The following DGKB variants were observed in gnomAD, a reference collection of about 807,000 sequenced individuals.
DGKB encodes the protein diacylglycerol kinase beta.
Under a neutral mutation model 114.3 loss-of-function variants are expected in DGKB, and 67 were observed. That is an observed-to-expected ratio of 0.59 (90% CI 0.48 to 0.72). DGKB has a LOEUF of 0.72. DGKB is among the 30% of genes least tolerant of loss of function. The pLI, the probability that DGKB is intolerant of heterozygous loss-of-function variation, is 0.00. For missense variants in DGKB, 907 were observed against 975.2 expected (o/e 0.93, Z 0.93); for synonymous variants, 398 against 323.1 (o/e 1.23, Z -2.49).
At chr7:14,228,537 C>T (rs543300510) in intron 23 of DGKB, among the ~76,000 whole-genome samples, 101 of 152,028 alleles carry the variant, frequency 6.6e-4, no homozygotes, top group African/African-American at 6.0e-4. Context: ...CACACACACT[C>T]GCACCCGCAC....
intron 19 of DGKB, 56 bp downstream of exon 19, chr7:14,580,806 G>T: frequency 8.3e-7 from 1 of 1,201,540 alleles, no homozygotes; most frequent in Non-Finnish European, 1.2e-6. Context: ...TTTTTGTTTT[G>T]CAAGGGAAAG....
chr7:14,415,020 C>CT (rs35820031), intron 21 of DGKB, among the ~76,000 whole-genome samples: 49,121 of 151,604 alleles, frequency 0.32, 8,604 homozygotes, highest in East Asian at 0.47. Flanking sequence ...AAAAACCCTC[C>CT]TATAGAGTCT....
chr7:14,796,104 G>A (rs566315031), intron 2 of DGKB, among the ~76,000 whole-genome samples: 1 of 152,210 alleles, frequency 6.6e-6, no homozygotes, highest in South Asian at 2.1e-4. Flanking sequence ...TGGAAGAATG[G>A]TGAAATCACT....
intron 21 of DGKB, among the ~76,000 whole-genome samples, chr7:14,467,234 TA>T (rs1441025913): frequency 7.4e-5 from 11 of 149,466 alleles, no homozygotes; most frequent in Non-Finnish European, 1.5e-4. Context: ...CTTATTTATA[TA>T]ACTATTAACT....
chr7:14,290,449 TG>T (rs971525373), intron 23 of DGKB, among the ~76,000 whole-genome samples: 51 of 152,170 alleles, frequency 3.4e-4, no homozygotes, highest in Middle Eastern at 3.4e-3. Flanking sequence ...AACCCCAATG[TG>T]TTTGTGGTTT....
At chr7:14,915,047 A>C (rs1478762936) in intron 1 of DGKB, among the ~76,000 whole-genome samples, 1 of 152,288 alleles carries the variant, frequency 6.6e-6, no homozygotes, top group South Asian at 2.1e-4. Context: ...TACAAACATA[A>C]GCATCATCTG....
Position 14,813,261 on chromosome 7 carries a change from A to G in DGKB, c.70+27933T>C, listed in dbSNP as rs1843670615. 2.6e-5 allele frequency among the ~76,000 whole-genome samples: 4 copies of G among 152,240 alleles called. No homozygotes were observed. The South Asian group carries it at 8.3e-4, about 31-fold the overall frequency. On this transcript the variant is annotated intron_variant, in intron 2 of 25. Transcript: ENST00000402815. ...TAGAAAAAAAGGAAGAGATATATAG[A>G]TAAGCAGTAGTAAATAATGCAACAT...
intron 9 of DGKB, among the ~76,000 whole-genome samples, chr7:14,690,581 G>T (rs2128988134): frequency 6.6e-6 from 1 of 152,320 alleles, no homozygotes; most frequent in Non-Finnish European, 1.5e-5. Context: ...ACCTGTTTTT[G>T]CACATGCAGT....
chr7:14,747,967 C>T (rs1284057996), intron 4 of DGKB, among the ~76,000 whole-genome samples: 1 of 152,184 alleles, frequency 6.6e-6, no homozygotes, highest in East Asian at 1.9e-4. Context: ...ATATGCCTTT[C>T]ATTATTATTT....
chr7:14,729,646 T>C (rs1830628493), intron 5 of DGKB, among the ~76,000 whole-genome samples: 1 of 152,148 alleles, frequency 6.6e-6, no homozygotes, highest in African/African-American at 2.4e-5. Context: ...TAACTCCAAT[T>C]TACACTGGAT....
chr7:14,730,722 A>G (rs1830783851), intron 5 of DGKB, among the ~76,000 whole-genome samples: 1 of 152,194 alleles, frequency 6.6e-6, no homozygotes. Flanking sequence ...AGGTTACTTC[A>G]GGTGGGAATG....
chr7:14,318,850 C>A (rs530285088), intron 23 of DGKB, among the ~76,000 whole-genome samples: 1 of 152,178 alleles, frequency 6.6e-6, no homozygotes, highest in Admixed American at 6.6e-5. Context: ...ATGTTTATTG[C>A]GGCATTATTC....
At chr7:14,748,934 T>C (rs998870917) in intron 4 of DGKB, among the ~76,000 whole-genome samples, 5 of 152,192 alleles carry the variant, frequency 3.3e-5, no homozygotes, top group Non-Finnish European at 5.9e-5. Flanking sequence ...TGAGTACCTA[T>C]ATGTGTAAAA....
At chr7:14,300,834 C>A (rs950117237) in intron 23 of DGKB, among the ~76,000 whole-genome samples, 1 of 152,100 alleles carries the variant, frequency 6.6e-6, no homozygotes, top group African/African-American at 2.4e-5. Flanking sequence ...CTTTAAGGTA[C>A]CTCATTTCAA....
chr7:14,304,079 A>T (rs1017557659), intron 23 of DGKB, among the ~76,000 whole-genome samples: 34 of 94,342 alleles, frequency 3.6e-4, no homozygotes, highest in African/African-American at 1.7e-3. Context: ...ACACACACAC[A>T]CACACACACT....
intron 23 of DGKB, among the ~76,000 whole-genome samples, chr7:14,330,963 A>T (rs552870017): frequency 1.3e-5 from 2 of 151,870 alleles, no homozygotes; most frequent in African/African-American, 4.8e-5. Flanking sequence ...CTAACTTTTT[A>T]TTACTTTTTA....
intron 5 of DGKB, among the ~76,000 whole-genome samples, chr7:14,720,017 C>T (rs1326143858): frequency 6.6e-6 from 1 of 152,050 alleles, no homozygotes; most frequent in Non-Finnish European, 1.5e-5. Flanking sequence ...ACAGTGGTAG[C>T]TTACAAACTA....
intron 1 of DGKB, among the ~76,000 whole-genome samples, chr7:14,901,297 C>T (rs1014427927): frequency 2.6e-5 from 4 of 152,148 alleles, no homozygotes; most frequent in African/African-American, 4.8e-5. Context: ...AAGAGTAGCA[C>T]AATTTAAAAC....
At chr7:14,874,505 G>A (rs1852960642) in intron 1 of DGKB, among the ~76,000 whole-genome samples, 1 of 151,834 alleles carries the variant, frequency 6.6e-6, no homozygotes, top group Non-Finnish European at 1.5e-5. Flanking sequence ...CGAGATTATA[G>A]TGAGGAAAGT....
Sources: gnomAD v4.1 joint callset for allele counts (sites outside exome capture counted in the v4.1 genomes callset) on GRCh38, gnomAD v4.1.1 for gene constraint, MANE v1.5 for transcripts, NCBI Gene and HGNC (gene_info 2026-07-23, HGNC 2026-07-21) for gene names.